The following HIP1 variants were observed in gnomAD, a reference collection of about 807,000 sequenced individuals.
The protein encoded by HIP1 is huntingtin interacting protein 1.
Under a neutral mutation model 147.6 loss-of-function variants are expected in HIP1, and 65 were observed. The observed-to-expected ratio is 0.44, with a 90% CI of 0.36 to 0.54. The LOEUF (loss-of-function observed/expected upper bound fraction) is 0.54. HIP1 is among the 20% of genes least tolerant of loss of function. The pLI is 0.00. For missense variants in HIP1, 1,061 were observed against 1,299.6 expected (o/e 0.82, Z 2.82); for synonymous variants, 479 against 504.0 (o/e 0.95, Z 0.67).
At chr7:75,640,955 C>G (rs1225049330) in intron 1 of HIP1, among the ~76,000 whole-genome samples, 2 of 151,772 alleles carry the variant, frequency 1.3e-5, no homozygotes, top group East Asian at 1.9e-4. Context: ...GAGTTCTTAT[C>G]GATGAAATTG....
At chr7:75,693,919 C>CT (rs10628011) in intron 1 of HIP1, among the ~76,000 whole-genome samples, 1,259 of 114,792 alleles carry the variant, frequency 0.011, 65 homozygotes, top group African/African-American at 0.026. Context: ...ATTCTCTTTT[C>CT]TTTTTTTTTT....
At chr7:75,571,197 G>A (rs1351909263) in intron 8 of HIP1, among the ~76,000 whole-genome samples, 2 of 152,078 alleles carry the variant, frequency 1.3e-5, no homozygotes, top group Non-Finnish European at 2.9e-5. Context: ...GAGTAACTGG[G>A]ACTGCAGGTG....
intron 1 of HIP1, among the ~76,000 whole-genome samples, chr7:75,701,953 A>G (rs1800845306): frequency 6.6e-6 from 1 of 151,730 alleles, no homozygotes; most frequent in African/African-American, 2.4e-5. Flanking sequence ...TTTTTTGGAC[A>G]GAGTCTCGCT....
chr7:75,543,675 A>C (rs1462443410), intron 27 of HIP1, among the ~76,000 whole-genome samples: 1 of 152,186 alleles, frequency 6.6e-6, no homozygotes, highest in Non-Finnish European at 1.5e-5. Context: ...GGGTTGTAGA[A>C]TCTCACAGCC....
chr7:75,626,234 C>A (rs1225328969), intron 1 of HIP1: 1 of 152,154 alleles, frequency 6.6e-6, no homozygotes, highest in Non-Finnish European at 1.5e-5. Flanking sequence ...GGAAACTTCC[C>A]CTGTACTTAC....
chr7:75,622,703 C>A (rs1350241515), intron 1 of HIP1, among the ~76,000 whole-genome samples: 14 of 151,724 alleles, frequency 9.2e-5, no homozygotes, highest in African/African-American at 3.2e-4. Flanking sequence ...TTTGACCGGG[C>A]ATGGTGGCTG....
intron 1 of HIP1, among the ~76,000 whole-genome samples, chr7:75,641,048 T>G (rs1798635262): frequency 6.6e-6 from 1 of 151,988 alleles, no homozygotes; most frequent in South Asian, 2.1e-4. Context: ...GGTTCACGCC[T>G]CTAATCCCAG....
In HIP1 at chr7:75,545,066, C is replaced by T. The variant is rs782580238; in HGVS notation, c.2660+22G>A. On this transcript the variant is annotated intron_variant, in intron 26 of 30. Coordinates refer to ENST00000336926, the MANE Select transcript of HIP1 (RefSeq NM_005338.7). Reference sequence around the variant, plus strand: ...ATGGAAGAGGGGTCATGGGAGGACCCTTGGTACCAATAGATACTTACACCA... The same window carrying T: ...ATGGAAGAGGGGTCATGGGAGGACCTTTGGTACCAATAGATACTTACACCA... 3.5e-6 allele frequency: 5 copies of T among 1,441,626 alleles called. No homozygotes were observed. The South Asian group carries it at 5.9e-5, about 17-fold the overall frequency. 89.3% of individuals were successfully genotyped at this position (1,441,626 alleles called of 1,614,324 possible).
intron 1 of HIP1, chr7:75,654,390 CA>C (rs1185063858): frequency 2.0e-5 from 3 of 150,700 alleles, no homozygotes; most frequent in Non-Finnish European, 4.4e-5. Flanking sequence ...GTGTCCATCT[CA>C]AAAAAAAAGA....
At chr7:75,671,125 C>T (rs560391622) in intron 1 of HIP1, among the ~76,000 whole-genome samples, 2 of 152,118 alleles carry the variant, frequency 1.3e-5, no homozygotes, top group South Asian at 2.1e-4. Context: ...TGGAGTTTCG[C>T]TCTTGTTGCC....
At chr7:75,657,173 C>T (rs1471639094) in intron 1 of HIP1, among the ~76,000 whole-genome samples, 1 of 152,220 alleles carries the variant, frequency 6.6e-6, no homozygotes, top group Non-Finnish European at 1.5e-5. Flanking sequence ...AGGTGCCCAT[C>T]CATGGTAGAC....
At chr7:75,557,572 A>G in intron 16 of HIP1, 82 bp downstream of exon 16, 2 of 992,844 alleles carry the variant, frequency 2.0e-6, no homozygotes, top group East Asian at 4.8e-5. Flanking sequence ...AGAACTGCCC[A>G]TGGAGCAGAA....
intron 2 of HIP1, among the ~76,000 whole-genome samples, chr7:75,593,341 G>T (rs983637559): frequency 2.0e-5 from 3 of 151,920 alleles, no homozygotes; most frequent in African/African-American, 7.3e-5. Context: ...TAAAAGTAAG[G>T]GTGTGCAAGC....
chr7:75,610,974 T>C (rs1299487992), intron 1 of HIP1, among the ~76,000 whole-genome samples: 1 of 150,964 alleles, frequency 6.6e-6, no homozygotes, highest in Non-Finnish European at 1.5e-5. Context: ...GGTGTGAGCT[T>C]GGCTCACTGC....
chr7:75,581,687 G>A (rs1554498627), intron 6 of HIP1, among the ~76,000 whole-genome samples: 1 of 152,220 alleles, frequency 6.6e-6, no homozygotes, highest in East Asian at 1.9e-4. Flanking sequence ...GCTGAGGCAG[G>A]AGAATCACTT....
intron 1 of HIP1, among the ~76,000 whole-genome samples, chr7:75,719,784 C>T (rs1801445486): frequency 6.6e-6 from 1 of 152,122 alleles, no homozygotes; most frequent in African/African-American, 2.4e-5. Context: ...GCCATCCTCT[C>T]TGTAAAACAG....
intron 7 of HIP1, among the ~76,000 whole-genome samples, chr7:75,576,755 C>T (rs1363270350): frequency 6.6e-6 from 1 of 152,154 alleles, no homozygotes; most frequent in Non-Finnish European, 1.5e-5. Flanking sequence ...TTCTAATCTG[C>T]ATCCAGGGTT....
chr7:75,587,971 C>G (rs1284639065), intron 4 of HIP1, among the ~76,000 whole-genome samples: 1 of 151,838 alleles, frequency 6.6e-6, no homozygotes, highest in Non-Finnish European at 1.5e-5. Flanking sequence ...TCTCAAAACA[C>G]CACCACCACC....
chr7:75,563,013 G>A lies in HIP1; in HGVS notation c.942C>T (p.Ile314=). Residue 314 remains isoleucine (I), a synonymous_variant, in exon 11 of 31, where the codon ATC becomes ATT. Coordinates refer to ENST00000336926, the MANE Select transcript of HIP1 (RefSeq NM_005338.7). ...LSEHISPVVV[I]PAEASSPDSE... ...TGTCGGGGGATGAGGCCTCTGCAGGGATCACCACCACAGGGCTGATATGTT... is the reference window on the plus strand; with the variant it reads ...TGTCGGGGGATGAGGCCTCTGCAGGAATCACCACCACAGGGCTGATATGTT... The A allele has an allele frequency of 6.2e-7, 1 of 1,614,170 alleles. No homozygotes were observed. The highest frequency in any genetic ancestry group is 8.5e-7 in the Non-Finnish European group (1 of 1,180,018).
Sources: gnomAD v4.1 joint callset for allele counts (sites outside exome capture counted in the v4.1 genomes callset) on GRCh38, gnomAD v4.1.1 for gene constraint, MANE v1.5 for transcripts, NCBI Gene and HGNC (gene_info 2026-07-23, HGNC 2026-07-21) for gene names.